The following ABCB9 variants were observed in gnomAD, a reference collection of about 807,000 sequenced individuals.
The protein encoded by ABCB9 is ABC-type oligopeptide transporter ABCB9.
ABCB9 carries 36 observed loss-of-function variants against 62.0 expected under a neutral mutation model. The ratio of observed to expected loss-of-function variants is 0.58; its 90% CI spans 0.45 to 0.77. ABCB9 has a LOEUF of 0.77. Among genes scored for constraint, ABCB9 ranks in the 30% least tolerant of loss-of-function variants. The pLI is 0.00. For missense variants in ABCB9, 943 were observed against 1,054.7 expected, an observed-to-expected ratio of 0.89 and a Z score of 1.47; for synonymous variants, 435 against 461.4, an observed-to-expected ratio of 0.94 and a Z score of 0.73.
At chr12:122,961,018 C>G (rs1014861083) in intron 1 of ABCB9, among the ~76,000 whole-genome samples, 2 of 151,630 alleles carry the variant, frequency 1.3e-5, no homozygotes, top group African/African-American at 4.9e-5. Flanking sequence ...GAGCTATGAT[C>G]ATGCCACTAC....
chr12:122,920,940 G>A, downstream of ABCB9: 1 of 1,355,682 alleles, frequency 7.4e-7, no homozygotes, highest in East Asian at 2.5e-5. Context: ...AAAGCGCATA[G>A]ACTCGTGTTT....
chr12:122,923,645 A>T (rs1266920752), intron 11 of ABCB9, among the ~76,000 whole-genome samples: 1 of 152,206 alleles, frequency 6.6e-6, no homozygotes, highest in African/African-American at 2.4e-5. Context: ...CCAGTGGAGC[A>T]ACGGTCCTTA....
chr12:122,971,141 G>A (rs574072308), upstream of ABCB9, among the ~76,000 whole-genome samples: 1 of 152,228 alleles, frequency 6.6e-6, no homozygotes, highest in South Asian at 2.1e-4. Flanking sequence ...CCAGCACTTT[G>A]GGAGGCCAAG....
At chr12:122,971,950 C>A (rs528956471) in intron 1 of ABCB9, among the ~76,000 whole-genome samples, 1 of 150,908 alleles carries the variant, frequency 6.6e-6, no homozygotes, top group African/African-American at 2.4e-5. Flanking sequence ...AAAAGGAAAT[C>A]TATTAAAAGT....
chr12:122,926,858 C>A (rs1400912350), downstream of ABCB9, among the ~76,000 whole-genome samples: 1 of 152,208 alleles, frequency 6.6e-6, no homozygotes, highest in Non-Finnish European at 1.5e-5. Context: ...TGTGATAGCA[C>A]CTCTGCACTC....
At chr12:122,921,049 A>AAGATAAT (rs1290647973) in intron 11 of ABCB9, 1 of 1,535,254 alleles carries the variant, frequency 6.5e-7, no homozygotes, top group Non-Finnish European at 8.7e-7. Context: ...CAGATCTAAG[A>AAGATAAT]AGATAATAAA....
intron 11 of ABCB9, among the ~76,000 whole-genome samples, chr12:122,923,453 A>AT (rs967742061): frequency 6.0e-5 from 9 of 150,948 alleles, no homozygotes; most frequent in Admixed American, 4.0e-4. Context: ...CGCCCGGCTA[A>AT]TTTTTTTTTG....
At chr12:122,924,401 G>A (rs1293501986), downstream of ABCB9, 6 of 237,130 alleles carry the variant, frequency 2.5e-5, no homozygotes, top group Non-Finnish European at 4.2e-5. Context: ...GTCATGCTCT[G>A]TTGCCCAGGC....
chr12:122,933,384 C>A (rs1331615350), intron 10 of ABCB9, among the ~76,000 whole-genome samples: 1 of 152,120 alleles, frequency 6.6e-6, no homozygotes, highest in Non-Finnish European at 1.5e-5. Flanking sequence ...GAAACCCTGT[C>A]TCTACTAAAA....
At chr12:122,939,831 CT>C (rs752472917) in intron 9 of ABCB9, 7 of 330,250 alleles carry the variant, frequency 2.1e-5, no homozygotes, top group East Asian at 6.0e-5. Context: ...CACATCTGCC[CT>C]TTTTTTCTTT....
intron 2 of ABCB9, among the ~76,000 whole-genome samples, chr12:122,954,022 G>A (rs2036496817): frequency 6.6e-6 from 1 of 152,082 alleles, no homozygotes; most frequent in African/African-American, 2.4e-5. Flanking sequence ...AAGAATCTTA[G>A]GCTACAGAAG....
chr12:122,968,876 C>T (rs973942992), upstream of ABCB9, among the ~76,000 whole-genome samples: 10 of 152,156 alleles, frequency 6.6e-5, no homozygotes, highest in African/African-American at 9.6e-5. Flanking sequence ...TGGCCTCCCA[C>T]GGTGCTGGGA....
At position 122,944,740 on chromosome 12, in the gene ABCB9, C is replaced by T. The variant is rs954943011; in HGVS notation, c.1252-221G>A. 4 of 543,814 alleles carry T rather than the reference C, an allele frequency of 7.4e-6. No individual in the cohort carries two copies. The highest frequency in any genetic ancestry group is 1.3e-5 in the Non-Finnish European group (4 of 314,650). The allele number at this position is 543,814 out of a possible 1,614,324, so 33.7% of individuals were successfully genotyped here. A position where few individuals can be genotyped will look rare whatever the true frequency, so the allele number is the denominator to read the frequency against. On this transcript the variant is annotated intron_variant, in intron 6 of 11. Coordinates refer to ENST00000280560, the MANE Select transcript of ABCB9 (RefSeq NM_019625.4). This position sits in a 1 kb window ranked among gnomAD's most constrained non-coding sequence, Gnocchi z 4.9. ...GCCTCCAGCTGGAGCAGGCTGTGGG[C>T]TTGGCCACAGAACAAGGCTTTCTTT...
At chr12:122,949,500 C>G (rs1232785302) in intron 4 of ABCB9, among the ~76,000 whole-genome samples, 3 of 152,202 alleles carry the variant, frequency 2.0e-5, no homozygotes, top group African/African-American at 7.2e-5. Context: ...TAGTCCTGGA[C>G]CTGGTGGTTT....
chr12:122,920,780 G>A (rs1314522156), downstream of ABCB9, among the ~76,000 whole-genome samples: 1 of 152,024 alleles, frequency 6.6e-6, no homozygotes, highest in Non-Finnish European at 1.5e-5. Flanking sequence ...AGGCATGGTG[G>A]CACATGCCTG....
intron 2 of ABCB9, among the ~76,000 whole-genome samples, chr12:122,958,784 G>A (rs999682071): frequency 3.3e-5 from 5 of 152,114 alleles, no homozygotes; most frequent in Non-Finnish European, 5.9e-5. Flanking sequence ...TGAAGCTGCC[G>A]TAAGCTGTGA....
At chr12:122,926,271 G>A (rs1014328701), downstream of ABCB9, among the ~76,000 whole-genome samples, 6 of 152,328 alleles carry the variant, frequency 3.9e-5, no homozygotes, top group East Asian at 5.8e-4. Flanking sequence ...TAGGCTGGGC[G>A]CAGTGGCTCA....
downstream of ABCB9, among the ~76,000 whole-genome samples, chr12:122,920,417 G>T (rs1316187474): frequency 6.6e-6 from 1 of 151,462 alleles, no homozygotes; most frequent in Non-Finnish European, 1.5e-5. Flanking sequence ...GATTAGATAA[G>T]CCTATAAACC....
exon 1 of ABCB9, chr12:122,974,976 G>A: frequency 3.2e-6 from 1 of 314,824 alleles, no homozygotes; most frequent in Non-Finnish European, 5.9e-6. Context: ...TCCCCGTCCT[G>A]TGAAGGCACG....
Sources: allele counts gnomAD v4.1 joint callset (sites outside exome capture counted in the v4.1 genomes callset), GRCh38; gene constraint gnomAD v4.1.1; non-coding constraint Gnocchi (gnomAD v3.1); transcripts MANE v1.5; gene names NCBI Gene and HGNC (gene_info 2026-07-23, HGNC 2026-07-21).